Variants in DNER observed in about 807,000 individuals in gnomAD.
The protein encoded by DNER is delta/notch like EGF repeat containing, also known as delta and Notch-like epidermal growth factor-related receptor.
A neutral mutation model predicts 78.2 loss-of-function variants in DNER; 33 were observed. The ratio of observed to expected loss-of-function variants is 0.42; its 90% confidence interval spans 0.32 to 0.56. The LOEUF is 0.56. Ranked by LOEUF, DNER falls within the 20% of genes least tolerant of loss-of-function variation. The pLI, the probability that DNER is intolerant of heterozygous loss-of-function variation, is 0.11. For missense variants in DNER, 918 were observed against 975.3 expected (o/e 0.94, Z 0.78); for synonymous variants, 417 against 384.8 (o/e 1.08, Z -0.98).
chr2:229,624,905 T>TC (rs1173212075), intron 1 of DNER, among the ~76,000 whole-genome samples: 1 of 152,236 alleles, frequency 6.6e-6, no homozygotes, highest in Non-Finnish European at 1.5e-5. Flanking sequence ...ACTCTGGGAC[T>TC]CCAATTTCTA....
intron 1 of DNER, among the ~76,000 whole-genome samples, chr2:229,667,531 A>G (rs1218776251): frequency 6.6e-6 from 1 of 152,156 alleles, no homozygotes; most frequent in Non-Finnish European, 1.5e-5. Context: ...TACCAGGGTG[A>G]TGGTGTTCAC....
At chr2:229,371,400 G>C (rs1330885370) in intron 11 of DNER, among the ~76,000 whole-genome samples, 1 of 152,236 alleles carries the variant, frequency 6.6e-6, no homozygotes, top group East Asian at 1.9e-4. Flanking sequence ...GAATATGCCA[G>C]ATGGGTTCAT....
intron 10 of DNER, among the ~76,000 whole-genome samples, chr2:229,404,474 A>C (rs554409434): frequency 5.3e-5 from 8 of 152,164 alleles, no homozygotes; most frequent in Non-Finnish European, 8.8e-5. Flanking sequence ...CCCACGATCC[A>C]ATTACCTCCA....
intron 10 of DNER, among the ~76,000 whole-genome samples, chr2:229,393,286 G>A (rs1693056458): frequency 6.6e-6 from 1 of 151,876 alleles, no homozygotes; most frequent in Non-Finnish European, 1.5e-5. Flanking sequence ...AAATTAGCCA[G>A]GTGTGATGGC....
intron 8 of DNER, among the ~76,000 whole-genome samples, chr2:229,418,453 T>A (rs1241810229): frequency 6.6e-6 from 1 of 152,164 alleles, no homozygotes; most frequent in African/African-American, 2.4e-5. Context: ...ATCCCAAGTA[T>A]AAAAGAAGTG....
At chr2:229,379,314 C>T (rs1238971505) in intron 11 of DNER, among the ~76,000 whole-genome samples, 2 of 146,508 alleles carry the variant, frequency 1.4e-5, no homozygotes, top group Non-Finnish European at 3.0e-5. Flanking sequence ...ACATTTGCCT[C>T]ATGTAATCCT....
intron 5 of DNER, among the ~76,000 whole-genome samples, chr2:229,546,231 T>C (rs1696624559): frequency 6.6e-6 from 1 of 152,228 alleles, no homozygotes; most frequent in Non-Finnish European, 1.5e-5. Flanking sequence ...TACAGTGCAC[T>C]TTCCCCATCC....
At chr2:229,367,161 C>T in intron 11 of DNER, 42 bp from the exon 12 acceptor site, 1 of 1,609,920 alleles carries the variant, frequency 6.2e-7, no homozygotes, top group East Asian at 2.2e-5. Flanking sequence ...TGAGTTGTCA[C>T]CTTTGAGAAT....
chr2:229,626,549 T>TG (rs1358233682), intron 1 of DNER, among the ~76,000 whole-genome samples: 2 of 152,200 alleles, frequency 1.3e-5, no homozygotes, highest in African/African-American at 2.4e-5. Flanking sequence ...CCTTTCATTG[T>TG]AAGGGCCTAA....
Position 229,455,884 on chromosome 2 carries a change from A to C in DNER, c.1262-8344T>G, listed in dbSNP as rs2106365814. ...TTCAGATGAGAAAATAGGGATAGAA[A>C]GATCAAGTAACTTGCCCAAAGTTAC... On this transcript the variant is annotated intron_variant, in intron 7 of 12. Coordinates refer to ENST00000341772, the MANE Select transcript of DNER (RefSeq NM_139072.4). Among the ~76,000 whole-genome samples the C allele has an allele frequency of 1.3e-5, 2 of 152,274 alleles. 1 individual carries two copies. The highest frequency in any genetic ancestry group is 4.8e-5 in the African/African-American group (2 of 41,498).
intron 9 of DNER, among the ~76,000 whole-genome samples, chr2:229,410,100 T>G (rs547384432): frequency 3.0e-4 from 46 of 152,246 alleles, no homozygotes; most frequent in African/African-American, 1.1e-3. Context: ...GGAGTCACCT[T>G]CTTTCACACC....
At chr2:229,633,733 T>C (rs1183408479) in intron 1 of DNER, among the ~76,000 whole-genome samples, 2 of 152,146 alleles carry the variant, frequency 1.3e-5, no homozygotes, top group Non-Finnish European at 2.9e-5. Context: ...AGCTGGGACA[T>C]AGTGGACAGC....
At chr2:229,414,921 G>A (rs1013905007) in intron 9 of DNER, among the ~76,000 whole-genome samples, 38 of 152,258 alleles carry the variant, frequency 2.5e-4, no homozygotes, top group African/African-American at 7.7e-4. Context: ...CCAGCACTTC[G>A]GGAGGCCAAG....
At chr2:229,391,063 A>G (rs901277875) in intron 10 of DNER, among the ~76,000 whole-genome samples, 6 of 152,130 alleles carry the variant, frequency 3.9e-5, no homozygotes. Flanking sequence ...CCCTCAAGGG[A>G]GTTTTCAACC....
At chr2:229,437,255 TG>T (rs1694141547) in intron 8 of DNER, among the ~76,000 whole-genome samples, 1 of 152,218 alleles carries the variant, frequency 6.6e-6, no homozygotes, top group African/African-American at 2.4e-5. Flanking sequence ...GAGTTGACAA[TG>T]TTCTGGGATT....
At chr2:229,382,076 A>T (rs1343107110) in intron 11 of DNER, among the ~76,000 whole-genome samples, 5 of 152,224 alleles carry the variant, frequency 3.3e-5, no homozygotes, top group Non-Finnish European at 5.9e-5. Flanking sequence ...AGGAACAGGC[A>T]GACATCTTTG....
intron 8 of DNER, among the ~76,000 whole-genome samples, chr2:229,422,899 C>T (rs1160874133): frequency 1.3e-5 from 2 of 152,098 alleles, no homozygotes; most frequent in African/African-American, 2.4e-5. Context: ...AAGCCCAAGG[C>T]ATGCAGTGCC....
chr2:229,443,428 G>A (rs1045507991), intron 8 of DNER, among the ~76,000 whole-genome samples: 7 of 152,170 alleles, frequency 4.6e-5, no homozygotes, highest in Admixed American at 3.3e-4. Context: ...ACTTTCTTCA[G>A]CAGATTTCAA....
At chr2:229,561,724 T>C (rs1360559379) in intron 4 of DNER, among the ~76,000 whole-genome samples, 1 of 152,196 alleles carries the variant, frequency 6.6e-6, no homozygotes, top group African/African-American at 2.4e-5. Flanking sequence ...GACTAAGTTA[T>C]GTGTCCTAAG....
Sources: gnomAD v4.1 joint callset for allele counts (sites outside exome capture counted in the v4.1 genomes callset) on GRCh38, gnomAD v4.1.1 for gene constraint, MANE v1.5 for transcripts, NCBI Gene and HGNC (gene_info 2026-07-23, HGNC 2026-07-21) for gene names.